The following CDKN2B-AS1 variants were observed in gnomAD, a reference collection of about 807,000 sequenced individuals.
CDKN2B-AS1 encodes CDKN2B antisense RNA 1 (non-protein coding).
chr9:22,027,403 G>C (rs599452), intron 1 of CDKN2B-AS1, among the ~76,000 whole-genome samples: 2 of 151,858 alleles, frequency 1.3e-5, no homozygotes, highest in South Asian at 4.1e-4. Flanking sequence ...AAACTCAGAG[G>C]ACAGGATAAA....
chr9:22,091,397 A>C (rs575041701), intron 4 of CDKN2B-AS1, among the ~76,000 whole-genome samples: 14 of 152,304 alleles, frequency 9.2e-5, no homozygotes, highest in African/African-American at 3.4e-4. Flanking sequence ...GATTGCATTG[A>C]ATCTATAAAT....
intron 4 of CDKN2B-AS1, among the ~76,000 whole-genome samples, chr9:22,099,800 AG>A (rs1368841772): frequency 6.6e-6 from 1 of 152,190 alleles, no homozygotes; most frequent in Admixed American, 6.5e-5. Context: ...TGTGGAAAAA[AG>A]GTGTGCATGG....
intron 1 of CDKN2B-AS1, among the ~76,000 whole-genome samples, chr9:22,038,153 T>G (rs1822761980): frequency 6.6e-6 from 1 of 151,984 alleles, no homozygotes; most frequent in Non-Finnish European, 1.5e-5. Flanking sequence ...GAAAATACTT[T>G]TATATTTGCT....
At chr9:22,090,445 C>G (rs1825038151) in intron 4 of CDKN2B-AS1, among the ~76,000 whole-genome samples, 1 of 152,204 alleles carries the variant, frequency 6.6e-6, no homozygotes, top group Admixed American at 6.5e-5. Context: ...GTCCCACCAG[C>G]AGTGTAAAAG....
intron 4 of CDKN2B-AS1, among the ~76,000 whole-genome samples, chr9:22,081,939 T>C (rs550487450): frequency 4.6e-5 from 7 of 152,330 alleles, no homozygotes; most frequent in Admixed American, 4.6e-4. Flanking sequence ...CTTTCCTTCA[T>C]ATACCCCCAG....
chr9:22,068,311 T>C (rs1372225457), intron 4 of CDKN2B-AS1, among the ~76,000 whole-genome samples: 3 of 152,170 alleles, frequency 2.0e-5, no homozygotes, highest in Non-Finnish European at 2.9e-5. Context: ...GAACATATAA[T>C]GTCCAGTCTG....
chr9:22,093,642 C>T (rs1299716182), intron 4 of CDKN2B-AS1, among the ~76,000 whole-genome samples: 1 of 138,856 alleles, frequency 7.2e-6, no homozygotes, highest in Non-Finnish European at 1.5e-5. Context: ...GATTGCAACC[C>T]CTGCCTTTTT....
chr9:22,019,097 G>A (rs1487507351), intron 1 of CDKN2B-AS1, among the ~76,000 whole-genome samples: 3 of 152,172 alleles, frequency 2.0e-5, no homozygotes, highest in Non-Finnish European at 4.4e-5. Context: ...ACATATTGAA[G>A]GAATTGTGAC....
intron 4 of CDKN2B-AS1, among the ~76,000 whole-genome samples, chr9:22,089,945 T>C (rs1335260060): frequency 1.3e-5 from 2 of 151,914 alleles, no homozygotes; most frequent in Non-Finnish European, 2.9e-5. Flanking sequence ...TCATTTAATA[T>C]TAGGTATATC....
At chr9:22,055,511 A>G (rs1823522591) in intron 3 of CDKN2B-AS1, among the ~76,000 whole-genome samples, 1 of 152,204 alleles carries the variant, frequency 6.6e-6, no homozygotes, top group Non-Finnish European at 1.5e-5. Flanking sequence ...CCAAGGCAGG[A>G]TAAGTAGTTT....
At chr9:22,094,600 C>T (rs945858601) in intron 4 of CDKN2B-AS1, among the ~76,000 whole-genome samples, 2 of 144,428 alleles carry the variant, frequency 1.4e-5, no homozygotes, top group Admixed American at 6.7e-5. Context: ...TCCAGTTGAT[C>T]GAATCGGCTA....
intron 1 of CDKN2B-AS1, among the ~76,000 whole-genome samples, chr9:22,023,161 G>A (rs1206555400): frequency 2.6e-5 from 4 of 152,156 alleles, no homozygotes; most frequent in Non-Finnish European, 5.9e-5. Flanking sequence ...GAACTTGAAT[G>A]TTGGCCTCTC....
intron 4 of CDKN2B-AS1, among the ~76,000 whole-genome samples, chr9:22,068,996 A>C (rs1054709310): frequency 1.6e-4 from 25 of 152,120 alleles, no homozygotes; most frequent in African/African-American, 6.0e-4. Context: ...TGCCATCAGA[A>C]ACTCATTTGC....
chr9:22,063,042 A>G (rs1275229093), intron 4 of CDKN2B-AS1, among the ~76,000 whole-genome samples: 1 of 151,234 alleles, frequency 6.6e-6, no homozygotes, highest in Non-Finnish European at 1.5e-5. Flanking sequence ...TTTTGGATAT[A>G]TGGTTTCAAG....
chr9:22,126,667 A>G (rs942714387), intron 4 of CDKN2B-AS1, among the ~76,000 whole-genome samples: 24 of 140,172 alleles, frequency 1.7e-4, no homozygotes, highest in Admixed American at 9.4e-4. Context: ...CCGCCTCCGG[A>G]GTTCACGCCA....
At chr9:22,088,334 A>C (rs72652422) in intron 4 of CDKN2B-AS1, among the ~76,000 whole-genome samples, 1 of 152,182 alleles carries the variant, frequency 6.6e-6, no homozygotes, top group Non-Finnish European at 1.5e-5. Context: ...TCTCCATGTC[A>C]GTGGTATTTA....
At chr9:22,123,181 A>G (rs887037521) in intron 4 of CDKN2B-AS1, among the ~76,000 whole-genome samples, 1 of 152,180 alleles carries the variant, frequency 6.6e-6, no homozygotes, top group Non-Finnish European at 1.5e-5. Flanking sequence ...TAGAAATACT[A>G]CTGATTTTTG....
intron 1 of CDKN2B-AS1, chr9:22,030,234 C>T (rs1389549586): frequency 6.6e-6 from 1 of 152,120 alleles, no homozygotes; most frequent in Admixed American, 6.6e-5. Context: ...TAGATTTCAG[C>T]TTTTTGCTTG....
chr9:22,110,429 A>C (rs1825775736), intron 4 of CDKN2B-AS1, among the ~76,000 whole-genome samples: 1 of 152,310 alleles, frequency 6.6e-6, no homozygotes, highest in Admixed American at 6.5e-5. Context: ...GAAGTCTTGG[A>C]ATACAACAGT....
Sources: allele counts gnomAD v4.1 joint callset (sites outside exome capture counted in the v4.1 genomes callset), GRCh38; gene constraint gnomAD v4.1.1; transcripts MANE v1.5; gene names NCBI Gene and HGNC (gene_info 2026-07-23, HGNC 2026-07-21).